The following PPP2R5B variants were observed in gnomAD, a reference collection of about 807,000 sequenced individuals.
PPP2R5B encodes protein phosphatase 2 regulatory subunit B'beta.
In PPP2R5B, 19 loss-of-function variants were observed where a neutral mutation model predicts 59.9. The observed-to-expected ratio is 0.32, with a 90% CI of 0.22 to 0.47. PPP2R5B has a LOEUF of 0.47. Ranked by LOEUF, PPP2R5B falls within the 20% of genes least tolerant of loss-of-function variation. The probability of loss-of-function intolerance (pLI) is 1.00; values close to 1 mark genes in which losing one functional copy is unlikely to be tolerated. For missense variants in PPP2R5B, 441 were observed against 640.2 expected, an observed-to-expected ratio of 0.69 and a Z score of 3.36; for synonymous variants, 286 against 260.5, an observed-to-expected ratio of 1.10 and a Z score of -0.94.
rs1337037368 is a variant in PPP2R5B at position 64,930,022 on chromosome 11, G to A, written c.723-300G>A. 4.6e-5 allele frequency among the ~76,000 whole-genome samples: 7 copies of A among 152,312 alleles called. No homozygotes were observed. In the South Asian group the frequency reaches 8.3e-4, roughly 18 times the overall value. On this transcript the variant is annotated intron_variant, in intron 6 of 13. Coordinates refer to ENST00000164133, the MANE Select transcript of PPP2R5B (RefSeq NM_006244.4). ...GCCCCATCTCCCTGGATAATTCTGA[G>A]ACTTACATGGTACGGAGTAGATGTG...
chr11:64,925,666 C>G lies in PPP2R5B; in HGVS notation c.-69C>G. 1 of 809,370 alleles carries G rather than the reference C, an allele frequency of 1.2e-6. No homozygotes were observed. The highest frequency in any genetic ancestry group is 2.1e-5 in the Admixed American group (1 of 46,806). 50.1% of individuals were successfully genotyped at this position (809,370 alleles called of 1,614,324 possible). On this transcript the variant is annotated 5_prime_UTR_variant, in exon 2 of 14. Transcript: ENST00000164133. The surrounding 1 kb of genome is among the most constrained non-coding windows in gnomAD (Gnocchi z 4.6). ...GGGACCAAGTTAGTCTGTCCAGTCTCACCCAGCACCTCCCAGGCCCAGAGA... is the reference window on the plus strand; with the variant it reads ...GGGACCAAGTTAGTCTGTCCAGTCTGACCCAGCACCTCCCAGGCCCAGAGA...
chr11:64,928,243 G>A, intron 5 of PPP2R5B, 52 bp from the exon 6 acceptor site: 1 of 1,612,498 alleles, frequency 6.2e-7, no homozygotes, highest in Middle Eastern at 1.6e-4. Context: ...AAGCAACCTG[G>A]GGTGGACCTT....
chr11:64,926,883 C>T lies in PPP2R5B; in HGVS notation c.371C>T (p.Pro124Leu), dbSNP rs755222755. The part of the protein sequence containing the change: ...VGSTRGVLIE[P>L]VYPDIIRMIS... ...AGCACCCGGGGTGTCCTCATCGAGCCCGTCTACCCAGACATCATCCGCATG... is the reference window on the plus strand; with the variant it reads ...AGCACCCGGGGTGTCCTCATCGAGCTCGTCTACCCAGACATCATCCGCATG... The change falls in exon 3 of 14, where the codon CCC (proline) becomes CTC (leucine). Residue 124 changes from proline to leucine, a missense_variant. Transcript: ENST00000164133. The T allele has an allele frequency of 6.2e-6, 10 of 1,614,166 alleles. No homozygotes were observed. Among genetic ancestry groups the T allele is most frequent in the Non-Finnish European group, 5.1e-6 (6 of 1,180,022 alleles).
In PPP2R5B at chr11:64,931,673, G is replaced by C. The variant is rs1173731599; in HGVS notation, c.996+64G>C. 1 of 1,613,780 alleles carries C rather than the reference G, an allele frequency of 6.2e-7. No individual in the cohort carries two copies. The highest frequency in any genetic ancestry group is 1.3e-5 in the African/African-American group (1 of 74,936). ...GGGAGGGCTCGGCCTCTAGAAGGCA[G>C]TCAGGTGTGTGTATGTGTAGGGGGA... On this transcript the variant is annotated intron_variant, in intron 10 of 13. Coordinates refer to ENST00000164133, the MANE Select transcript of PPP2R5B (RefSeq NM_006244.4). The surrounding 1 kb of genome is among the most constrained non-coding windows in gnomAD (Gnocchi z 5.0).
At chr11:64,928,825 A>G (rs1038536809) in intron 6 of PPP2R5B, among the ~76,000 whole-genome samples, 6 of 152,218 alleles carry the variant, frequency 3.9e-5, no homozygotes, top group African/African-American at 1.4e-4. Context: ...CGGAGCTTGC[A>G]GTGAGCCGAG....
upstream of PPP2R5B, among the ~76,000 whole-genome samples, chr11:64,922,471 G>C (rs1406587347): frequency 2.0e-5 from 3 of 152,034 alleles, no homozygotes; most frequent in South Asian, 2.1e-4. Flanking sequence ...CTGGGTGACA[G>C]AGTGAGACTC....
chr11:64,919,083 G>A (rs765572413), intron 1 of PPP2R5B, among the ~76,000 whole-genome samples: 1 of 152,218 alleles, frequency 6.6e-6, no homozygotes, highest in Non-Finnish European at 1.5e-5. Flanking sequence ...GCTCATGCCT[G>A]TAATCCCAGC....
In PPP2R5B at chr11:64,934,323, C is replaced by A; in HGVS notation, c.*479C>A. 1 of 272,122 alleles carries A rather than the reference C, an allele frequency of 3.7e-6. No homozygotes were observed. Among genetic ancestry groups the A allele is most frequent in the Non-Finnish European group, 7.0e-6 (1 of 142,564 alleles). The allele number at this position is 272,122 out of a possible 1,614,324, so 16.9% of individuals were successfully genotyped here. On this transcript the variant is annotated 3_prime_UTR_variant, in exon 14 of 14. Coordinates refer to ENST00000164133, the MANE Select transcript of PPP2R5B (RefSeq NM_006244.4). ...TCCTCCCTTCCCTCGCTGTGTACTT[C>A]CTTGTCCCCTTTTTATTTATTGGGC... is the stretch of plus-strand genomic sequence containing the variant.
upstream of PPP2R5B, among the ~76,000 whole-genome samples, chr11:64,920,861 C>T (rs1458880314): frequency 1.3e-5 from 2 of 151,456 alleles, no homozygotes; most frequent in Admixed American, 6.6e-5. Flanking sequence ...AAGTTTTGAC[C>T]TCATGATCTG....
chr11:64,927,906 C>T lies in PPP2R5B; in HGVS notation c.498+3C>T. The T allele has an allele frequency of 6.3e-7, 1 of 1,597,534 alleles. No homozygotes were observed. Among genetic ancestry groups the T allele is most frequent in the Non-Finnish European group, 8.6e-7 (1 of 1,165,022 alleles). ...AGCCTTCGTGGCCACACCTGCAGGTCTGAAGGGTTGGGGAAGACAGAGATC... is the reference window on the plus strand; with the variant it reads ...AGCCTTCGTGGCCACACCTGCAGGTTTGAAGGGTTGGGGAAGACAGAGATC... On this transcript the variant is annotated splice_donor_region_variant and intron_variant, in intron 4 of 13. Transcript: ENST00000164133.
upstream of PPP2R5B, chr11:64,922,847 C>G (rs1945122462): frequency 6.6e-6 from 1 of 151,720 alleles, no homozygotes; most frequent in African/African-American, 2.4e-5. Context: ...TGCACTCCAG[C>G]CTGGGCAACA....
intron 1 of PPP2R5B, among the ~76,000 whole-genome samples, chr11:64,919,013 T>TTA (rs1215770956): frequency 6.6e-6 from 1 of 152,128 alleles, no homozygotes; most frequent in Non-Finnish European, 1.5e-5. Flanking sequence ...GCAGGCTCCA[T>TTA]TCAGGGAGGC....
In PPP2R5B at chr11:64,934,419, C is replaced by T. The variant is rs1027509351; in HGVS notation, c.*575C>T. 2.7e-6 allele frequency: 1 copy of T among 376,850 alleles called. No individual in the cohort carries two copies. The highest frequency in any genetic ancestry group is 5.0e-6 in the Non-Finnish European group (1 of 201,230). The allele number at this position is 376,850 out of a possible 1,614,324, so 23.3% of individuals were successfully genotyped here. A position where few individuals can be genotyped will look rare whatever the true frequency, so the allele number is the denominator to read the frequency against. ...GGGGTAAGGGGGGGTTCACAGTAATCATGGTCTACTCCTCTTTCCGTGGCT... is the reference window on the plus strand; with the variant it reads ...GGGGTAAGGGGGGGTTCACAGTAATTATGGTCTACTCCTCTTTCCGTGGCT... On this transcript the variant is annotated 3_prime_UTR_variant, in exon 14 of 14. Coordinates refer to ENST00000164133, the MANE Select transcript of PPP2R5B (RefSeq NM_006244.4).
At chr11:64,923,685 G>A (rs753304414), upstream of PPP2R5B, among the ~76,000 whole-genome samples, 6 of 152,202 alleles carry the variant, frequency 3.9e-5, no homozygotes, top group Non-Finnish European at 5.9e-5. Flanking sequence ...AGATGGGGCA[G>A]ACTCTGAAAA....
chr11:64,934,211 G>T lies in PPP2R5B; in HGVS notation c.*367G>T, dbSNP rs1475652898. ...CTGCCCCTGCCTTGGCCAATGCGAG[G>T]TCCTTCCTTATCCCCACCATGGGGT... On this transcript the variant is annotated 3_prime_UTR_variant, in exon 14 of 14. Transcript: ENST00000164133. 3 of 247,986 alleles carry T rather than the reference G, an allele frequency of 1.2e-5. No individual in the cohort carries two copies. Among genetic ancestry groups the T allele is most frequent in the Non-Finnish European group, 2.3e-5 (3 of 130,018 alleles). The allele number at this position is 247,986 out of a possible 1,614,324, so 15.4% of individuals were successfully genotyped here. A position where few individuals can be genotyped will look rare whatever the true frequency, so the allele number is the denominator to read the frequency against.
chr11:64,931,963 C>T lies in PPP2R5B; in HGVS notation c.1116+95C>T. 3.3e-6 allele frequency: 5 copies of T among 1,529,316 alleles called. No homozygotes were observed. The highest frequency in any genetic ancestry group is 4.4e-6 in the Non-Finnish European group (5 of 1,137,810). 94.7% of individuals were successfully genotyped at this position (1,529,316 alleles called of 1,614,324 possible). ...GCTCCCTTTGCCCTCAGTTTCTCCTCCAATCCCGGGTCTGGTAATGGGGAG... is the reference window on the plus strand; with the variant it reads ...GCTCCCTTTGCCCTCAGTTTCTCCTTCAATCCCGGGTCTGGTAATGGGGAG... On this transcript the variant is annotated intron_variant, in intron 11 of 13. Coordinates refer to ENST00000164133, the MANE Select transcript of PPP2R5B (RefSeq NM_006244.4). This position sits in a 1 kb window ranked among gnomAD's most constrained non-coding sequence, Gnocchi z 5.0.
rs1275989751 is a variant in PPP2R5B at position 64,925,502 on chromosome 11, G to A, written c.-233G>A. 6.2e-6 allele frequency: 3 copies of A among 484,256 alleles called. No homozygotes were observed. Among genetic ancestry groups the A allele is most frequent in the Admixed American group, 3.8e-5 (1 of 26,258 alleles). The allele number at this position is 484,256 out of a possible 1,614,324, so 30.0% of individuals were successfully genotyped here. On this transcript the variant is annotated 5_prime_UTR_variant, in exon 2 of 14. Coordinates refer to ENST00000164133, the MANE Select transcript of PPP2R5B (RefSeq NM_006244.4). This position sits in a 1 kb window ranked among gnomAD's most constrained non-coding sequence, Gnocchi z 4.6. ...GGTGGGAACCCTAACTGGACTCTTC[G>A]GGACCCCCAGGAAGGATCTGAGGCC...
In PPP2R5B at chr11:64,925,267, G is replaced by C. The variant is rs1308678443; in HGVS notation, c.-264-204G>C. The stretch of plus-strand genomic sequence containing the variant: ...GGGGGATAGGCCCTATTCTGGGAGG[G>C]GTTGTTTTGGAGGCTTTCTGTCTGA... On this transcript the variant is annotated intron_variant, in intron 1 of 13. Transcript: ENST00000164133. The surrounding 1 kb of genome is among the most constrained non-coding windows in gnomAD (Gnocchi z 4.6). Among the ~76,000 whole-genome samples the C allele has an allele frequency of 6.6e-6, 1 of 152,108 alleles. No individual in the cohort carries two copies. Among genetic ancestry groups the C allele is most frequent in the African/African-American group, 2.4e-5 (1 of 41,418 alleles).
In PPP2R5B at chr11:64,925,674, A is replaced by T; in HGVS notation, c.-61A>T. ...GTTAGTCTGTCCAGTCTCACCCAGC[A>T]CCTCCCAGGCCCAGAGAGAACCCCC... On this transcript the variant is annotated 5_prime_UTR_variant, in exon 2 of 14. Transcript: ENST00000164133. The surrounding 1 kb of genome is among the most constrained non-coding windows in gnomAD (Gnocchi z 4.6). 1 of 822,932 alleles carries T rather than the reference A, an allele frequency of 1.2e-6. No homozygotes were observed. The highest frequency in any genetic ancestry group is 4.8e-5 in the East Asian group (1 of 20,902). 51.0% of individuals were successfully genotyped at this position (822,932 alleles called of 1,614,324 possible).
Sources: allele counts gnomAD v4.1 joint callset (sites outside exome capture counted in the v4.1 genomes callset), GRCh38; gene constraint gnomAD v4.1.1; non-coding constraint Gnocchi (gnomAD v3.1); transcripts MANE v1.5; gene names NCBI Gene and HGNC (gene_info 2026-07-23, HGNC 2026-07-21).